PCNA: variants seen among roughly 807,000 people sequenced by gnomAD.
PCNA encodes the protein DNA sliding clamp PCNA.
PCNA carries 4 observed loss-of-function variants against 27.8 expected under a neutral mutation model. That is an observed-to-expected ratio of 0.14 (90% CI 0.07 to 0.33). PCNA has a LOEUF of 0.33. Ranked by LOEUF, PCNA falls within the 10% of genes least tolerant of loss-of-function variation. PCNA has a pLI of 1.00. For missense variants in PCNA, 165 were observed against 327.4 expected, an observed-to-expected ratio of 0.50 and a Z score of 3.83; for synonymous variants, 121 against 119.4, an observed-to-expected ratio of 1.01 and a Z score of -0.09.
intron 1 of PCNA, among the ~76,000 whole-genome samples, chr20:5,126,106 C>G (rs535987614): frequency 4.6e-5 from 7 of 152,246 alleles, no homozygotes; most frequent in African/African-American, 1.4e-4. Context: ...TGGTGGCGCG[C>G]ACCTTGGAAT....
upstream of PCNA, among the ~76,000 whole-genome samples, chr20:5,120,353 C>T (rs1257415766): frequency 5.3e-5 from 8 of 152,116 alleles, no homozygotes; most frequent in East Asian, 1.3e-3. Flanking sequence ...GAAGAGAGTA[C>T]AGCTGCTGCA....
intron 1 of PCNA, chr20:5,126,434 A>G (rs376668508): frequency 3.7e-4 from 57 of 152,434 alleles, no homozygotes; most frequent in African/African-American, 1.3e-3. Flanking sequence ...GTGATAAGTG[A>G]TAAAATGCTC....
At chr20:5,126,091 G>A (rs1007041430) in intron 1 of PCNA, among the ~76,000 whole-genome samples, 1 of 152,162 alleles carries the variant, frequency 6.6e-6, no homozygotes, top group South Asian at 2.1e-4. Context: ...AAAGTTAGCC[G>A]GGCGTGGTGG....
At chr20:5,115,666 T>C in intron 4 of PCNA, 94 bp from the exon 5 acceptor site, 2 of 1,055,466 alleles carry the variant, frequency 1.9e-6, no homozygotes, top group Non-Finnish European at 1.4e-6. Context: ...ACACTTGTAT[T>C]GGTCACTTTG....
intron 4 of PCNA, among the ~76,000 whole-genome samples, chr20:5,116,538 CCA>C (rs1371044928): frequency 3.3e-5 from 5 of 152,178 alleles, no homozygotes; most frequent in Non-Finnish European, 5.9e-5. Flanking sequence ...TTATAATATG[CCA>C]CACACAGCAT....
At chr20:5,119,334 A>T (rs1049704223) in intron 1 of PCNA, among the ~76,000 whole-genome samples, 1 of 151,796 alleles carries the variant, frequency 6.6e-6, no homozygotes, top group Non-Finnish European at 1.5e-5. Context: ...CTGCGGAAAA[A>T]CCCTTGATTT....
Position 5,119,958 on chromosome 20 carries a change from T to G in PCNA, c.-160A>C. 1 of 625,466 alleles carries G rather than the reference T, an allele frequency of 1.6e-6. No individual in the cohort carries two copies. The highest frequency in any genetic ancestry group is 2.8e-6 in the Non-Finnish European group (1 of 357,090). The allele number at this position is 625,466 out of a possible 1,614,324, so 38.7% of individuals were successfully genotyped here. ...CTCTGCTACGCCTGCAACCGTTTAA[T>G]GCCGCCGCGTCCGCAAGCGCGCGCT... is the stretch of plus-strand genomic sequence containing the variant. On this transcript the variant is annotated 5_prime_UTR_variant, in exon 1 of 6. Coordinates refer to ENST00000379143, the MANE Select transcript of PCNA (RefSeq NM_182649.2).
At chr20:5,118,909 C>T in intron 1 of PCNA, 43 bp from the exon 2 acceptor site, 2 of 1,362,392 alleles carry the variant, frequency 1.5e-6, no homozygotes, top group Non-Finnish European at 1.0e-6. Context: ...ACGCCGTCTG[C>T]TGAAGGGCTG....
upstream of PCNA, chr20:5,120,139 G>A (rs2090508695): frequency 6.7e-6 from 2 of 299,168 alleles, no homozygotes; most frequent in East Asian, 9.0e-5. Flanking sequence ...CGTCGCGCAG[G>A]TCTCCCCGCC....
chr20:5,118,977 T>TG, intron 1 of PCNA, 111 bp from the exon 2 acceptor site: 1 of 713,286 alleles, frequency 1.4e-6, no homozygotes, highest in Non-Finnish European at 2.5e-6. Context: ...GTCTCAGAAC[T>TG]GGTGGAGGGT....
upstream of PCNA, among the ~76,000 whole-genome samples, chr20:5,121,957 ATTTCTTTTTTTTTTTCTTTTTCTT>A (rs1011093066): frequency 7.0e-6 from 1 of 142,198 alleles, no homozygotes; most frequent in Non-Finnish European, 1.5e-5. Flanking sequence ...ATCACTTAGA[ATTTCTTTTTTTTTTTCTTTTTCTT>A]TTTCTTTTTT....
chr20:5,123,600 CAGG>C (rs1019997235), upstream of PCNA, among the ~76,000 whole-genome samples: 1 of 151,050 alleles, frequency 6.6e-6, no homozygotes, highest in Non-Finnish European at 1.5e-5. Flanking sequence ...GAGGCTGACG[CAGG>C]AGAATTGCTT....
At chr20:5,124,604 T>G (rs929577553), upstream of PCNA, among the ~76,000 whole-genome samples, 6 of 149,824 alleles carry the variant, frequency 4.0e-5, no homozygotes, top group Non-Finnish European at 7.4e-5. Flanking sequence ...CACTCCAGCC[T>G]GAGCAACAAG....
Position 5,119,563 on chromosome 20 carries a change from G to A in PCNA, c.221+15C>T. 2 of 1,601,906 alleles carry A rather than the reference G, an allele frequency of 1.2e-6. No individual in the cohort carries two copies. The highest frequency in any genetic ancestry group is 1.7e-6 in the Non-Finnish European group (2 of 1,174,970). On this transcript the variant is annotated intron_variant, in intron 1 of 5. Coordinates refer to ENST00000379143, the MANE Select transcript of PCNA (RefSeq NM_182649.2). ...AGGCGGGCCGGGGCCGGCTTCCCGG[G>A]GCCGCGAGGCTCACCTGGTGAGGTT...
Position 5,115,332 on chromosome 20 carries a change from T to C in PCNA, c.737A>G (p.His246Arg). 1 of 1,613,980 alleles carries C rather than the reference T, an allele frequency of 6.2e-7. No homozygotes were observed. The highest frequency in any genetic ancestry group is 8.5e-7 in the Non-Finnish European group (1 of 1,179,870). ...VVEYKIADMG[H>R]LKYYLAPKIE... is the part of the protein sequence containing the mutation. Reference sequence around the variant, plus strand: ...CTTGGGAGCCAAGTAGTATTTTAAGTGTCCCATATCCGCAATTTTATACTC... The same window carrying C: ...CTTGGGAGCCAAGTAGTATTTTAAGCGTCCCATATCCGCAATTTTATACTC... Residue 246 changes from histidine to arginine, a missense_variant, in exon 6 of 6, where the codon CAC (histidine) becomes CGC (arginine). Coordinates refer to ENST00000379143, the MANE Select transcript of PCNA (RefSeq NM_182649.2).
chr20:5,120,010 A>G (rs984227895), upstream of PCNA: 1 of 581,070 alleles, frequency 1.7e-6, no homozygotes, highest in African/African-American at 1.9e-5. Context: ...TTGCGACGTC[A>G]CCACGCTGTC....
intron 1 of PCNA, 25 bp downstream of exon 1, chr20:5,119,553 G>A: frequency 6.3e-7 from 1 of 1,591,892 alleles, no homozygotes; most frequent in Non-Finnish European, 8.6e-7. Flanking sequence ...GGCCGGGGCC[G>A]GCTTCCCGGG....
chr20:5,117,671 A>C lies in PCNA; in HGVS notation c.388-7T>G. 3 of 1,525,620 alleles carry C rather than the reference A, an allele frequency of 2.0e-6. No homozygotes were observed. The highest frequency in any genetic ancestry group is 1.3e-5 in the South Asian group (1 of 77,694). The allele number at this position is 1,525,620 out of a possible 1,614,324, so 94.5% of individuals were successfully genotyped here. A position where few individuals can be genotyped will look rare whatever the true frequency, so the allele number is the denominator to read the frequency against. ...CACAGCTGTACTCCTGTTCCTATTA[A>C]GAACAAAAATTTTCCAAAAGTTAAT... On this transcript the variant is annotated splice_polypyrimidine_tract_variant and splice_region_variant and intron_variant, in intron 3 of 5. Transcript: ENST00000379143.
chr20:5,119,487 C>T, intron 1 of PCNA, 91 bp downstream of exon 1: 1 of 1,043,232 alleles, frequency 9.6e-7, no homozygotes, highest in East Asian at 2.6e-5. Context: ...TGGCCCACGC[C>T]AGCCAATGAG....
Sources: allele counts gnomAD v4.1 joint callset (sites outside exome capture counted in the v4.1 genomes callset), GRCh38; gene constraint gnomAD v4.1.1; transcripts MANE v1.5; gene names NCBI Gene and HGNC (gene_info 2026-07-23, HGNC 2026-07-21).